The following DSG2 variants were observed in gnomAD, a reference collection of about 807,000 sequenced individuals.
DSG2 encodes the protein desmoglein 2.
Under a neutral mutation model 75.6 loss-of-function variants are expected in DSG2, and 45 were observed. The ratio of observed to expected loss-of-function variants is 0.60; its 90% confidence interval spans 0.47 to 0.76. DSG2 has a LOEUF of 0.76. Ranked by LOEUF, DSG2 falls within the 30% of genes least tolerant of loss-of-function variation. The pLI, the probability that DSG2 is intolerant of heterozygous loss-of-function variation, is 0.00. For synonymous variants in DSG2, 429 were observed against 483.9 expected (o/e 0.89, Z 1.49); for missense variants, 1,267 against 1,357.4 (o/e 0.93, Z 1.05).
At chr18:31,512,280 C>T (rs186201814) in intron 1 of DSG2, among the ~76,000 whole-genome samples, 31 of 152,144 alleles carry the variant, frequency 2.0e-4, no homozygotes, top group African/African-American at 7.0e-4. Context: ...CCAGGTGTTC[C>T]GGGTCAAAAT....
intron 8 of DSG2, 71 bp downstream of exon 8, chr18:31,524,959 C>T: frequency 1.4e-6 from 2 of 1,422,860 alleles, no homozygotes; most frequent in Non-Finnish European, 9.9e-7. Context: ...TATTTTGAGC[C>T]CTGAACACTT....
chr18:31,528,568 G>A lies in DSG2; in HGVS notation c.1015-2419G>A, dbSNP rs527389810. On this transcript the variant is annotated intron_variant, in intron 8 of 14. Transcript: ENST00000261590. The stretch of plus-strand genomic sequence containing the variant: ...CTCTACTAAAACAAAAAATTAGCCA[G>A]GTTTGGTAGTGCATGCCTATAATTC... Among the ~76,000 whole-genome samples, 6 of 152,108 alleles carry A rather than the reference G, an allele frequency of 3.9e-5. No homozygotes were observed. In the South Asian group the frequency reaches 1.2e-3, roughly 32 times the overall value.
chr18:31,542,795 AGCTCAGGCAGCTGCTGTT>A lies in DSG2; in HGVS notation c.2280_2297del (p.Gln761_Ala766del). The A allele has an allele frequency of 6.2e-7, 1 of 1,601,142 alleles. No homozygotes were observed. The highest frequency in any genetic ancestry group is 8.5e-7 in the Non-Finnish European group (1 of 1,174,478). ...CAGGGGCTTCCAGAGACATGGCCGGAGCTCAGGCAGCTGCTGTTGCACTGAACGAAGAATTCTTAAGAA... is the reference window on the plus strand; with the variant it reads ...CAGGGGCTTCCAGAGACATGGCCGGAGCACTGAACGAAGAATTCTTAAGAA... On this transcript the variant is annotated inframe_deletion, in exon 14 of 15. Coordinates refer to ENST00000261590, the MANE Select transcript of DSG2 (RefSeq NM_001943.5).
At chr18:31,518,326 CAT>C in intron 2 of DSG2, 52 bp downstream of exon 2, 1 of 1,470,816 alleles carries the variant, frequency 6.8e-7, no homozygotes, top group Non-Finnish European at 9.5e-7. Context: ...GGGTTAATTC[CAT>C]GGCAAACAGG....
intron 1 of DSG2, among the ~76,000 whole-genome samples, chr18:31,517,204 G>A (rs1389519242): frequency 2.0e-5 from 3 of 152,158 alleles, no homozygotes; most frequent in African/African-American, 7.2e-5. Context: ...TTATATGTGG[G>A]AGCTAAAAGT....
chr18:31,501,508 C>T (rs913951845), intron 1 of DSG2, among the ~76,000 whole-genome samples: 1 of 152,146 alleles, frequency 6.6e-6, no homozygotes, highest in African/African-American at 2.4e-5. Flanking sequence ...AAGATATGGG[C>T]AGGGCCATGC....
intron 10 of DSG2, among the ~76,000 whole-genome samples, chr18:31,535,728 A>G (rs998641600): frequency 1.3e-5 from 2 of 151,802 alleles, no homozygotes; most frequent in Non-Finnish European, 2.9e-5. Context: ...CAGGAGGTAG[A>G]GGAGCGGAGA....
intron 12 of DSG2, among the ~76,000 whole-genome samples, chr18:31,540,362 C>T (rs1018948555): frequency 6.6e-6 from 1 of 152,152 alleles, no homozygotes; most frequent in Non-Finnish European, 1.5e-5. Flanking sequence ...AGATACATAA[C>T]GGTAAATGAC....
rs1412027046 is a variant in DSG2, at chr18:31,531,119, AAAGAAGGCATTCATTTTAAAAGCAG to A, written c.1148_1172del (p.Lys383ThrfsTer19). The A allele has an allele frequency of 6.2e-7, 1 of 1,614,134 alleles. No homozygotes were observed. Among genetic ancestry groups the A allele is most frequent in the South Asian group, 1.1e-5 (1 of 91,072 alleles). On this transcript the variant is annotated frameshift_variant, in exon 9 of 15. Coordinates refer to ENST00000261590, the MANE Select transcript of DSG2 (RefSeq NM_001943.5). LOFTEE classifies it high-confidence loss of function. Reference sequence around the variant, plus strand: ...CATCAAGGTCAAAGTGAAAAATGTGAAAGAAGGCATTCATTTTAAAAGCAGCGTCATCTCAATTTATGTTAGCGAG... The same window carrying A: ...CATCAAGGTCAAAGTGAAAAATGTGACGTCATCTCAATTTATGTTAGCGAG...
Position 31,524,437 on chromosome 18 carries a change from TTGCTC to T in DSG2, c.691-7_691-3del, listed in dbSNP as rs757242261. The stretch of plus-strand genomic sequence containing the variant: ...TTTTCACCCAGCTGGACATTTTTCA[TTGCTC>T]TGCAGGAACACAGCAGCTACACTTT... On this transcript the variant is annotated splice_polypyrimidine_tract_variant and splice_region_variant and intron_variant, in intron 6 of 14. Transcript: ENST00000261590. The T allele has an allele frequency of 1.2e-6, 2 of 1,614,138 alleles. No homozygotes were observed. Among genetic ancestry groups the T allele is most frequent in the East Asian group, 4.5e-5 (2 of 44,858 alleles).
chr18:31,540,288 C>T (rs2073257999), intron 12 of DSG2, among the ~76,000 whole-genome samples: 1 of 152,148 alleles, frequency 6.6e-6, no homozygotes, highest in Admixed American at 6.5e-5. Flanking sequence ...CAATTGAAAG[C>T]ACAGCACTCA....
intron 14 of DSG2, 124 bp from the exon 15 acceptor site, chr18:31,545,597 G>A: frequency 8.5e-7 from 1 of 1,181,014 alleles, no homozygotes; most frequent in Non-Finnish European, 1.2e-6. Flanking sequence ...TTCCCTGATG[G>A]TTCCTTGTAA....
chr18:31,502,723 C>T lies in DSG2; in HGVS notation c.45+4427C>T, dbSNP rs1318887276. ...CCGAGATTGTGCCACTGCACTCCAG[C>T]CTGGGTGACAGAGGGAGACTCTGTC... On this transcript the variant is annotated intron_variant, in intron 1 of 14. Coordinates refer to ENST00000261590, the MANE Select transcript of DSG2 (RefSeq NM_001943.5). 5.9e-5 allele frequency among the ~76,000 whole-genome samples: 9 copies of T among 151,684 alleles called. No individual in the cohort carries two copies. The East Asian group carries it at 1.8e-3, about 30-fold the overall frequency.
At position 31,546,128 on chromosome 18, in the gene DSG2, T is replaced by C. The variant is rs529198523; in HGVS notation, c.2742T>C (p.Ser914=). The stretch of plus-strand genomic sequence containing the variant: ...TAGTCACTGAAAGATCTGTGTCTTC[T>C]AGGCAGGCGCAAAAGGTAGCTACAC... The part of the protein sequence containing the change: ...QEIVTERSVS[S]RQAQKVATPL... Residue 914 remains serine (S), a synonymous_variant, in exon 15 of 15, where the codon TCT becomes TCC. Coordinates refer to ENST00000261590, the MANE Select transcript of DSG2 (RefSeq NM_001943.5). The C allele has an allele frequency of 5.0e-6, 8 of 1,614,212 alleles. No individual in the cohort carries two copies. The African/African-American group carries it at 9.3e-5, about 19-fold the overall frequency.
chr18:31,522,607 A>T, intron 6 of DSG2: 1 of 174,402 alleles, frequency 5.7e-6, no homozygotes, highest in South Asian at 1.2e-4. Flanking sequence ...ACTTGTTTAA[A>T]ATTGTTATCA....
intron 1 of DSG2, among the ~76,000 whole-genome samples, chr18:31,501,712 A>G (rs920076559): frequency 6.6e-6 from 1 of 152,178 alleles, no homozygotes; most frequent in Non-Finnish European, 1.5e-5. Context: ...TCCCCATTTT[A>G]TAAGAACATC....
chr18:31,531,081 C>G lies in DSG2; in HGVS notation c.1109C>G (p.Pro370Arg), dbSNP rs1555627121. 1 of 1,613,952 alleles carries G rather than the reference C, an allele frequency of 6.2e-7. No individual in the cohort carries two copies. Among genetic ancestry groups the G allele is most frequent in the Non-Finnish European group, 8.5e-7 (1 of 1,180,006 alleles). Residue 370 changes from proline (P) to arginine (R), a missense_variant, in exon 9 of 15, where the codon CCT (proline) becomes CGT (arginine). Physicochemically the swap from Pro to Arg is moderately radical, Grantham distance 103. Transcript: ENST00000261590. ...AAGTCGATTAGGAGTAAATACAAGC[C>G]TACACCCATTCCCATCAAGGTCAAA... is the stretch of plus-strand genomic sequence containing the variant. ...FHKSIRSKYK[P>R]TPIPIKVKVK...
intron 6 of DSG2, among the ~76,000 whole-genome samples, chr18:31,523,263 T>C (rs1403906546): frequency 6.6e-6 from 1 of 152,036 alleles, no homozygotes; most frequent in African/African-American, 2.4e-5. Flanking sequence ...TAGCTGGGTG[T>C]GGTGGCGGGC....
intron 6 of DSG2, among the ~76,000 whole-genome samples, chr18:31,524,059 C>T (rs1431796082): frequency 1.3e-5 from 2 of 152,196 alleles, no homozygotes; most frequent in African/African-American, 4.8e-5. Flanking sequence ...CCCAGTTTTG[C>T]CTTCACTAAC....
Sources: gnomAD v4.1 joint callset for allele counts (sites outside exome capture counted in the v4.1 genomes callset) on GRCh38, gnomAD v4.1.1 for gene constraint, MANE v1.5 for transcripts, NCBI Gene and HGNC (gene_info 2026-07-23, HGNC 2026-07-21) for gene names.